The following AGPAT5 variants were observed in gnomAD, a reference collection of about 807,000 sequenced individuals.
The protein encoded by AGPAT5 is 1-acyl-sn-glycerol-3-phosphate acyltransferase epsilon.
In AGPAT5, 46 loss-of-function variants were observed where a neutral mutation model predicts 45.6. The observed-to-expected ratio is 1.01, with a 90% CI of 0.80 to 1.29. The LOEUF (loss-of-function observed/expected upper bound fraction) is 1.29. Ranked by LOEUF, AGPAT5 falls within the 50% of genes most tolerant of loss-of-function variation. The pLI is 0.00. For synonymous variants in AGPAT5, 272 were observed against 167.0 expected (o/e 1.63, Z -4.85); for missense variants, 673 against 450.7 (o/e 1.49, Z -4.47).
At chr8:6,716,763 A>ACAGACAGAAC (rs1280386240) in intron 1 of AGPAT5, among the ~76,000 whole-genome samples, 5 of 152,190 alleles carry the variant, frequency 3.3e-5, no homozygotes, top group Admixed American at 1.3e-4. Context: ...AGCCCAGGAG[A>ACAGACAGAAC]CAGAGGTTGT....
At chr8:6,752,857 A>G (rs1237939411) in intron 6 of AGPAT5, among the ~76,000 whole-genome samples, 1 of 152,178 alleles carries the variant, frequency 6.6e-6, no homozygotes, top group South Asian at 2.1e-4. Flanking sequence ...TCCTCCCTTC[A>G]GTGTTAGAAC....
chr8:6,721,336 T>A (rs1282586090), intron 1 of AGPAT5, among the ~76,000 whole-genome samples: 1 of 152,252 alleles, frequency 6.6e-6, no homozygotes, highest in Non-Finnish European at 1.5e-5. Context: ...TAGCTGTACT[T>A]CTGTGTAATC....
chr8:6,711,059 T>C (rs1800141464), intron 1 of AGPAT5, among the ~76,000 whole-genome samples: 1 of 152,156 alleles, frequency 6.6e-6, no homozygotes, highest in Admixed American at 6.5e-5. Context: ...GGTTTATTAA[T>C]TTATATATAT....
At chr8:6,727,736 C>CT (rs1285954199) in intron 2 of AGPAT5, among the ~76,000 whole-genome samples, 1 of 152,154 alleles carries the variant, frequency 6.6e-6, no homozygotes, top group African/African-American at 2.4e-5. Flanking sequence ...TGAAGTGTCA[C>CT]TTTTCTTGTT....
rs1271138745 is a variant in AGPAT5 at position 6,761,303 on chromosome 8, G to T, written c.*3915G>T. On this transcript the variant is annotated 3_prime_UTR_variant, in exon 8 of 8. Transcript: ENST00000285518. Reference sequence around the variant, plus strand: ...CATGATTTTATATGTGAATATGTAAGATATGTTCTGCAATTTTATAAATGT... The same window carrying T: ...CATGATTTTATATGTGAATATGTAATATATGTTCTGCAATTTTATAAATGT... Among the ~76,000 whole-genome samples, 3 of 152,116 alleles carry T rather than the reference G, an allele frequency of 2.0e-5. No homozygotes were observed. The highest frequency in any genetic ancestry group is 2.0e-4 in the Admixed American group (3 of 15,272).
At position 6,722,447 on chromosome 8, in the gene AGPAT5, G is replaced by T. The variant is rs141358261; in HGVS notation, c.220-2423G>T. Reference sequence around the variant, plus strand: ...AAGATTTGCATGTGGAAGACAAATGGACATGATTGAGATAAATGAAGAATA... The same window carrying T: ...AAGATTTGCATGTGGAAGACAAATGTACATGATTGAGATAAATGAAGAATA... On this transcript the variant is annotated intron_variant, in intron 1 of 7. Transcript: ENST00000285518. Among the ~76,000 whole-genome samples the T allele has an allele frequency of 9.2e-3, 1,394 of 152,194 alleles. 26 individuals are homozygous for T. The highest frequency in any genetic ancestry group is 0.011 in the Non-Finnish European group (747 of 68,014).
Position 6,759,753 on chromosome 8 carries a change from C to G in AGPAT5, c.*2365C>G, listed in dbSNP as rs1801968641. The G allele has an allele frequency of 6.6e-6, 1 of 152,094 alleles. No homozygotes were observed. Among genetic ancestry groups the G allele is most frequent in the South Asian group, 2.1e-4 (1 of 4,824 alleles). The allele number at this position is 152,094 out of a possible 1,614,324, so 9.4% of individuals were successfully genotyped here. On this transcript the variant is annotated 3_prime_UTR_variant, in exon 8 of 8. Transcript: ENST00000285518. ...TAGGCTTAATGACTGGCCCTGCATT[C>G]TTCACAATATTTTTCCCTAAGCTTT...
intron 2 of AGPAT5, among the ~76,000 whole-genome samples, chr8:6,726,291 C>T (rs1800683780): frequency 6.6e-6 from 1 of 152,192 alleles, no homozygotes; most frequent in South Asian, 2.1e-4. Context: ...GATCTGTGGG[C>T]CCAGTACAGG....
At chr8:6,715,263 C>A (rs184346286) in intron 1 of AGPAT5, among the ~76,000 whole-genome samples, 1 of 152,128 alleles carries the variant, frequency 6.6e-6, no homozygotes, top group Non-Finnish European at 1.5e-5. Context: ...TCTTACTGAG[C>A]AAGTGACATT....
At chr8:6,732,406 T>A (rs1800893636) in intron 3 of AGPAT5, among the ~76,000 whole-genome samples, 155 bp from the exon 4 acceptor site, 1 of 152,258 alleles carries the variant, frequency 6.6e-6, no homozygotes, top group African/African-American at 2.4e-5. Flanking sequence ...CTAAATGTTC[T>A]TTAGAAGCTA....
intron 5 of AGPAT5, among the ~76,000 whole-genome samples, chr8:6,743,295 C>A (rs1290664338): frequency 6.6e-6 from 1 of 152,196 alleles, no homozygotes; most frequent in African/African-American, 2.4e-5. Flanking sequence ...GTTTCCTTGA[C>A]TGCTGATGAC....
chr8:6,715,555 AC>A (rs1800300202), intron 1 of AGPAT5, among the ~76,000 whole-genome samples: 1 of 152,200 alleles, frequency 6.6e-6, no homozygotes, highest in South Asian at 2.1e-4. Context: ...TTCCTCTTTT[AC>A]AGACAAGGAA....
chr8:6,719,826 A>G (rs1297124139), intron 1 of AGPAT5, among the ~76,000 whole-genome samples: 1 of 152,224 alleles, frequency 6.6e-6, no homozygotes, highest in African/African-American at 2.4e-5. Context: ...ATCATGTTCT[A>G]ATCCGAGTGA....
chr8:6,746,692 A>T (rs1007329484), intron 5 of AGPAT5, among the ~76,000 whole-genome samples: 1 of 152,162 alleles, frequency 6.6e-6, no homozygotes, highest in Non-Finnish European at 1.5e-5. Context: ...ACCACCCTGC[A>T]TTTTAAAACC....
chr8:6,755,390 T>C (rs866745533), intron 7 of AGPAT5, among the ~76,000 whole-genome samples: 4 of 152,252 alleles, frequency 2.6e-5, no homozygotes, highest in Non-Finnish European at 5.9e-5. Context: ...CTTGCATTGA[T>C]AGTATTTCTT....
Position 6,760,211 on chromosome 8 carries a change from T to C in AGPAT5, c.*2823T>C, listed in dbSNP as rs1468384109. 2.0e-5 allele frequency among the ~76,000 whole-genome samples: 3 copies of C among 151,916 alleles called. No individual in the cohort carries two copies. Among genetic ancestry groups the C allele is most frequent in the African/African-American group, 4.8e-5 (2 of 41,346 alleles). On this transcript the variant is annotated 3_prime_UTR_variant, in exon 8 of 8. Transcript: ENST00000285518. ...GTTCAAGACCAGCCTGGGCAACATA[T>C]CGAGAACCTGTCTACAAAAAAATTA...
At chr8:6,712,174 T>C (rs1800176963) in intron 1 of AGPAT5, among the ~76,000 whole-genome samples, 1 of 152,226 alleles carries the variant, frequency 6.6e-6, no homozygotes, top group Non-Finnish European at 1.5e-5. Context: ...AGAACCTGGT[T>C]TTCTGTAATA....
chr8:6,732,789 A>G (rs1448168515), intron 4 of AGPAT5, 139 bp downstream of exon 4: 1 of 786,856 alleles, frequency 1.3e-6, no homozygotes, highest in African/African-American at 1.8e-5. Flanking sequence ...GAGGTAACAG[A>G]AACCCTCTAT....
chr8:6,754,275 A>T (rs1801753125), intron 6 of AGPAT5, among the ~76,000 whole-genome samples: 1 of 152,152 alleles, frequency 6.6e-6, no homozygotes, highest in Non-Finnish European at 1.5e-5. Context: ...TTTTTCAAAT[A>T]AGCAAGTCTT....
Sources: allele counts gnomAD v4.1 joint callset (sites outside exome capture counted in the v4.1 genomes callset), GRCh38; gene constraint gnomAD v4.1.1; transcripts MANE v1.5; gene names NCBI Gene and HGNC (gene_info 2026-07-23, HGNC 2026-07-21).